Variants in PPP1R9A observed in about 807,000 individuals in gnomAD.
The protein encoded by PPP1R9A is protein phosphatase 1 regulatory subunit 9A.
PPP1R9A carries 59 observed loss-of-function variants against 141.9 expected under a neutral mutation model. The observed-to-expected ratio is 0.42, with a 90% CI of 0.34 to 0.52. PPP1R9A has a LOEUF of 0.52. Among genes scored for constraint, PPP1R9A ranks in the 20% least tolerant of loss-of-function variants. The pLI is 0.10. For synonymous variants in PPP1R9A, 500 were observed against 569.7 expected, an observed-to-expected ratio of 0.88 and a Z score of 1.74; for missense variants, 1,444 against 1,611.9, an observed-to-expected ratio of 0.90 and a Z score of 1.78.
At chr7:95,139,257 G>T (rs1258591401) in intron 4 of PPP1R9A, among the ~76,000 whole-genome samples, 1 of 152,188 alleles carries the variant, frequency 6.6e-6, no homozygotes, top group Non-Finnish European at 1.5e-5. Context: ...GAGAGAATGA[G>T]TGCAGAGCGA....
At chr7:94,987,022 T>C (rs1373725415) in intron 2 of PPP1R9A, among the ~76,000 whole-genome samples, 2 of 152,194 alleles carry the variant, frequency 1.3e-5, no homozygotes, top group African/African-American at 4.8e-5. Flanking sequence ...TCTCTTATAA[T>C]TGATAACATG....
At position 95,142,762 on chromosome 7, in the gene PPP1R9A, T is replaced by G. The variant is rs561144543; in HGVS notation, c.1650-19105T>G. On this transcript the variant is annotated intron_variant, in intron 4 of 19. Transcript: ENST00000433360. Reference sequence around the variant, plus strand: ...ACACATAGAGCCAATGATAATGAGATGAGTTAGAGGAAGTACCATTGTGAA... The same window carrying G: ...ACACATAGAGCCAATGATAATGAGAGGAGTTAGAGGAAGTACCATTGTGAA... Among the ~76,000 whole-genome samples the G allele has an allele frequency of 3.9e-5, 6 of 152,048 alleles. No individual in the cohort carries two copies. In the South Asian group the frequency reaches 1.2e-3, roughly 31 times the overall value.
At chr7:95,000,164 T>C (rs1802716735) in intron 2 of PPP1R9A, among the ~76,000 whole-genome samples, 1 of 152,158 alleles carries the variant, frequency 6.6e-6, no homozygotes, top group Non-Finnish European at 1.5e-5. Flanking sequence ...TTGTAAGTAG[T>C]GCGGCAAAAT....
At chr7:95,028,693 A>G (rs749528881) in intron 2 of PPP1R9A, among the ~76,000 whole-genome samples, 43 of 152,202 alleles carry the variant, frequency 2.8e-4, no homozygotes, top group Non-Finnish European at 5.4e-4. Context: ...GAATGTGCAT[A>G]TGTTTTACTC....
intron 2 of PPP1R9A, among the ~76,000 whole-genome samples, chr7:95,019,902 T>C (rs1805664047): frequency 1.3e-5 from 2 of 152,132 alleles, no homozygotes; most frequent in Admixed American, 1.3e-4. Context: ...AATTTGTACA[T>C]GAATGTTGAT....
chr7:95,251,077 T>C (rs1798808288), intron 10 of PPP1R9A, among the ~76,000 whole-genome samples: 1 of 152,232 alleles, frequency 6.6e-6, no homozygotes, highest in Non-Finnish European at 1.5e-5. Context: ...TTTTTAATAT[T>C]TAAAAGAGTT....
rs903807454 is a variant in PPP1R9A, at chr7:94,952,356, A to G, written c.1395+40848A>G. Among the ~76,000 whole-genome samples the G allele has an allele frequency of 6.6e-5, 10 of 152,086 alleles. No individual in the cohort carries two copies. The East Asian group carries it at 1.2e-3, about 18-fold the overall frequency. ...ATTTTCTTTATCCAGTCTATCATTG[A>G]TGGGCATTTGGGTTGGTTCCAAGTC... On this transcript the variant is annotated intron_variant, in intron 2 of 19. Transcript: ENST00000433360.
intron 4 of PPP1R9A, among the ~76,000 whole-genome samples, chr7:95,159,683 G>T (rs1009601822): frequency 1.1e-4 from 16 of 152,032 alleles, no homozygotes; most frequent in African/African-American, 3.9e-4. Context: ...CAGCATTTTG[G>T]GAGGCCGAGG....
chr7:94,995,639 C>T (rs1802077283), intron 2 of PPP1R9A, among the ~76,000 whole-genome samples: 1 of 151,990 alleles, frequency 6.6e-6, no homozygotes, highest in Non-Finnish European at 1.5e-5. Context: ...ATTTTCACAT[C>T]TAGAAGCTTG....
chr7:95,125,837 T>TC (rs1327121551), intron 4 of PPP1R9A, among the ~76,000 whole-genome samples: 1 of 152,180 alleles, frequency 6.6e-6, no homozygotes, highest in Non-Finnish European at 1.5e-5. Flanking sequence ...TTGTTTTTTT[T>TC]CACATCTTTT....
chr7:95,026,201 T>A (rs556531229), intron 2 of PPP1R9A, among the ~76,000 whole-genome samples: 1 of 152,332 alleles, frequency 6.6e-6, no homozygotes, highest in African/African-American at 2.4e-5. Context: ...TTTCTTCTGA[T>A]CTTTGTGGAT....
chr7:95,218,870 A>G (rs1252022502), intron 7 of PPP1R9A, among the ~76,000 whole-genome samples: 7 of 152,050 alleles, frequency 4.6e-5, no homozygotes, highest in Admixed American at 1.3e-4. Flanking sequence ...GTCTCTGCAC[A>G]TGAGATGGGT....
At chr7:95,137,094 T>G (rs1372047410) in intron 4 of PPP1R9A, among the ~76,000 whole-genome samples, 33 of 151,878 alleles carry the variant, frequency 2.2e-4, no homozygotes, top group Non-Finnish European at 1.2e-4. Flanking sequence ...TAATGTATCT[T>G]TTTATAATAC....
intron 7 of PPP1R9A, among the ~76,000 whole-genome samples, chr7:95,205,993 C>T (rs1040989576): frequency 6.6e-6 from 1 of 152,076 alleles, no homozygotes; most frequent in Non-Finnish European, 1.5e-5. Context: ...CATATTTTAG[C>T]CCTTGAAAAC....
intron 4 of PPP1R9A, among the ~76,000 whole-genome samples, chr7:95,145,972 T>A (rs1827536649): frequency 6.6e-6 from 1 of 152,222 alleles, no homozygotes; most frequent in South Asian, 2.1e-4. Context: ...AGTGTGCATA[T>A]GTCTTTACAG....
In PPP1R9A at chr7:95,103,362, C is replaced by CTTTTTTTT. The variant is rs897838647; in HGVS notation, c.1396-7886_1396-7879dup. On this transcript the variant is annotated intron_variant, in intron 2 of 19. Transcript: ENST00000433360. ...GAGTATGTTTGGTTTTTTTTCACTT[C>CTTTTTTTT]TTTTTTTTTTTTTTTTTTGAGACAG... Among the ~76,000 whole-genome samples the CTTTTTTTT allele has an allele frequency of 1.1e-3, 98 of 88,802 alleles. 17 individuals carry two copies. The highest frequency in any genetic ancestry group is 2.7e-3 in the African/African-American group (58 of 21,352). 58.3% of individuals were successfully genotyped at this position (88,802 alleles called of 152,430 possible).
rs1413544098 is a variant in PPP1R9A, at chr7:95,293,593, G to T, written c.*3290G>T. ...CTCCATTGTTGTTGGAAACAAAGTG[G>T]CAAGAGGGAAAATGAGGAACCAGAT... On this transcript the variant is annotated 3_prime_UTR_variant, in exon 20 of 20. Transcript: ENST00000433360. 6.6e-6 allele frequency: 1 copy of T among 152,198 alleles called. No individual in the cohort carries two copies. The highest frequency in any genetic ancestry group is 1.5e-5 in the Non-Finnish European group (1 of 68,048). 9.4% of individuals were successfully genotyped at this position (152,198 alleles called of 1,614,324 possible).
At chr7:95,239,520 A>G (rs1797154320) in intron 8 of PPP1R9A, among the ~76,000 whole-genome samples, 1 of 152,126 alleles carries the variant, frequency 6.6e-6, no homozygotes, top group South Asian at 2.1e-4. Flanking sequence ...TGATTGTGCC[A>G]TTGCACCCCA....
At chr7:95,177,111 T>G (rs962504728) in intron 5 of PPP1R9A, among the ~76,000 whole-genome samples, 1 of 152,078 alleles carries the variant, frequency 6.6e-6, no homozygotes, top group African/African-American at 2.4e-5. Context: ...TTAAGAGCTG[T>G]GAGACAAAAG....
Sources: allele counts gnomAD v4.1 joint callset (sites outside exome capture counted in the v4.1 genomes callset), GRCh38; gene constraint gnomAD v4.1.1; transcripts MANE v1.5; gene names NCBI Gene and HGNC (gene_info 2026-07-23, HGNC 2026-07-21).